Variants in INPP4A observed in about 807,000 individuals in gnomAD.
INPP4A encodes inositol polyphosphate-4-phosphatase type I A.
INPP4A carries 33 observed loss-of-function variants against 119.8 expected under a neutral mutation model. That is an observed-to-expected ratio of 0.28 (90% CI 0.21 to 0.37). The LOEUF is 0.37. Among genes scored for constraint, INPP4A ranks in the 10% least tolerant of loss-of-function variants. The pLI is 1.00. For synonymous variants in INPP4A, 496 were observed against 500.7 expected (o/e 0.99, Z 0.12); for missense variants, 956 against 1,289.9 (o/e 0.74, Z 3.97).
chr2:98,506,673 C>T (rs1425852549), intron 1 of INPP4A, among the ~76,000 whole-genome samples: 3 of 152,234 alleles, frequency 2.0e-5, no homozygotes, highest in Admixed American at 6.5e-5. Context: ...TGAGAAACTA[C>T]GTCCCTTGCT....
At chr2:98,565,529 C>A in intron 19 of INPP4A, 111 bp from the exon 20 acceptor site, 2 of 1,229,258 alleles carry the variant, frequency 1.6e-6, no homozygotes, top group Non-Finnish European at 2.2e-6. Context: ...ACCAGAGCCA[C>A]ACCTGCACCC....
intron 19 of INPP4A, 84 bp from the exon 20 acceptor site, chr2:98,565,556 G>T: frequency 6.8e-7 from 1 of 1,475,678 alleles, no homozygotes; most frequent in Non-Finnish European, 9.1e-7. Context: ...TCACAGCCAG[G>T]CCTGGGCTTG....
At chr2:98,523,312 A>G (rs942905108) in intron 4 of INPP4A, among the ~76,000 whole-genome samples, 1 of 152,242 alleles carries the variant, frequency 6.6e-6, no homozygotes, top group East Asian at 1.9e-4. Flanking sequence ...ACATGGAGGA[A>G]GAAACTGCTT....
chr2:98,504,723 A>G (rs1278751974), intron 1 of INPP4A, among the ~76,000 whole-genome samples: 1 of 152,220 alleles, frequency 6.6e-6, no homozygotes, highest in Non-Finnish European at 1.5e-5. Context: ...GACACTTGCG[A>G]ATTAGAAGGC....
chr2:98,454,361 G>T (rs560486700), intron 1 of INPP4A, among the ~76,000 whole-genome samples: 2 of 152,308 alleles, frequency 1.3e-5, no homozygotes, highest in East Asian at 3.9e-4. Context: ...CAAAGCTTAT[G>T]TAGTAGTGGC....
chr2:98,466,321 C>T (rs1223610809), intron 1 of INPP4A, among the ~76,000 whole-genome samples: 1 of 152,256 alleles, frequency 6.6e-6, no homozygotes, highest in African/African-American at 2.4e-5. Flanking sequence ...GCTGGGATTA[C>T]AGGCGTGAGC....
At chr2:98,474,798 CAAAT>C (rs982461495) in intron 1 of INPP4A, among the ~76,000 whole-genome samples, 13 of 152,262 alleles carry the variant, frequency 8.5e-5, no homozygotes, top group African/African-American at 2.9e-4. Context: ...AAAACATCTT[CAAAT>C]AAGTTTTCTT....
intron 23 of INPP4A, among the ~76,000 whole-genome samples, chr2:98,575,818 T>C (rs1698325170): frequency 6.6e-6 from 1 of 152,220 alleles, no homozygotes; most frequent in Non-Finnish European, 1.5e-5. Context: ...TTGGATGATG[T>C]TTCATTAAAT....
At chr2:98,464,447 CA>C (rs1156284305) in intron 1 of INPP4A, among the ~76,000 whole-genome samples, 2 of 152,200 alleles carry the variant, frequency 1.3e-5, no homozygotes, top group East Asian at 1.9e-4. Flanking sequence ...AAACAAAAAG[CA>C]GGGGGTTTAG....
intron 5 of INPP4A, among the ~76,000 whole-genome samples, chr2:98,535,029 C>T (rs1315870143): frequency 6.6e-6 from 1 of 152,184 alleles, no homozygotes; most frequent in African/African-American, 2.4e-5. Context: ...TGGAGCTGTC[C>T]AGTCAGCTTG....
intron 1 of INPP4A, among the ~76,000 whole-genome samples, chr2:98,512,285 GGGA>G (rs1311334300): frequency 6.6e-6 from 1 of 152,216 alleles, no homozygotes. Context: ...TCACCTATGG[GGGA>G]GGAGGGATCT....
chr2:98,528,520 G>A (rs1468785173), intron 4 of INPP4A, among the ~76,000 whole-genome samples: 2 of 152,146 alleles, frequency 1.3e-5, no homozygotes, highest in Non-Finnish European at 1.5e-5. Flanking sequence ...AACATCCCAT[G>A]TTTGATGGAA....
intron 1 of INPP4A, among the ~76,000 whole-genome samples, chr2:98,445,383 G>A (rs1694021370): frequency 1.3e-5 from 2 of 152,212 alleles, no homozygotes; most frequent in Non-Finnish European, 2.9e-5. Context: ...CCTGCCCGAT[G>A]CGGCTCCAGG....
chr2:98,546,760 A>G lies in INPP4A; in HGVS notation c.1163+66A>G. 1 of 1,061,762 alleles carries G rather than the reference A, an allele frequency of 9.4e-7. No individual in the cohort carries two copies. The highest frequency in any genetic ancestry group is 1.4e-6 in the Non-Finnish European group (1 of 694,512). The allele number at this position is 1,061,762 out of a possible 1,614,324, so 65.8% of individuals were successfully genotyped here. A position where few individuals can be genotyped will look rare whatever the true frequency, so the allele number is the denominator to read the frequency against. On this transcript the variant is annotated intron_variant, in intron 13 of 24. Coordinates refer to ENST00000409851, the MANE Select transcript of INPP4A (RefSeq NM_001134225.2). This position sits in a 1 kb window ranked among gnomAD's most constrained non-coding sequence, Gnocchi z 4.2. The stretch of plus-strand genomic sequence containing the variant: ...CTGATGCTTCTTTTCTCAGTTTAAA[A>G]TAAAATCAAAATATGACCGCAAAAA...
At chr2:98,464,447 CAG>C (rs1674316727) in intron 1 of INPP4A, among the ~76,000 whole-genome samples, 5 of 152,200 alleles carry the variant, frequency 3.3e-5, no homozygotes, top group Admixed American at 2.6e-4. Flanking sequence ...AAACAAAAAG[CAG>C]GGGGTTTAGG....
At position 98,551,906 on chromosome 2, in the gene INPP4A, A is replaced by G. The variant is rs113020895; in HGVS notation, c.1164-880A>G. Among the ~76,000 whole-genome samples, 669 of 152,334 alleles carry G rather than the reference A, an allele frequency of 4.4e-3. 10 individuals are homozygous for G. The highest frequency in any genetic ancestry group is 0.016 in the African/African-American group (647 of 41,560). ...GGATTGATTGGGATCAGGCTAAGAG[A>G]CATGCAATTTATCATCACCGTTTAG... On this transcript the variant is annotated intron_variant, in intron 13 of 24. Transcript: ENST00000409851.
At chr2:98,560,218 A>C (rs1255947248) in intron 17 of INPP4A, among the ~76,000 whole-genome samples, 1 of 152,130 alleles carries the variant, frequency 6.6e-6, no homozygotes, top group Non-Finnish European at 1.5e-5. Context: ...ATATGATTTG[A>C]TGTTCTTTTT....
intron 1 of INPP4A, among the ~76,000 whole-genome samples, chr2:98,451,543 T>A (rs776453131): frequency 1.3e-4 from 20 of 152,094 alleles, no homozygotes; most frequent in Non-Finnish European, 1.9e-4. Flanking sequence ...TGACCTCCGG[T>A]TGCTGCAGCG....
intron 1 of INPP4A, among the ~76,000 whole-genome samples, chr2:98,458,840 A>G (rs1271399891): frequency 1.3e-5 from 2 of 152,170 alleles, no homozygotes; most frequent in African/African-American, 2.4e-5. Context: ...TTAAGCGGGT[A>G]GGCAGCATCG....
Sources: allele counts gnomAD v4.1 joint callset (sites outside exome capture counted in the v4.1 genomes callset), GRCh38; gene constraint gnomAD v4.1.1; non-coding constraint Gnocchi (gnomAD v3.1); transcripts MANE v1.5; gene names NCBI Gene and HGNC (gene_info 2026-07-23, HGNC 2026-07-21).